Variants in STK38 observed in about 807,000 individuals in gnomAD.
STK38 encodes the protein serine/threonine-protein kinase 38.
In STK38, 26 loss-of-function variants were observed where a neutral mutation model predicts 59.0. That is an observed-to-expected ratio of 0.44 (90% CI 0.32 to 0.61). The LOEUF (loss-of-function observed/expected upper bound fraction) is 0.61, where lower values mean the gene tolerates loss of function less well. STK38 is among the 20% of genes least tolerant of loss of function. The probability of loss-of-function intolerance (pLI) is 0.04; values close to 1 mark genes in which losing one functional copy is unlikely to be tolerated. For missense variants in STK38, 433 were observed against 566.0 expected (o/e 0.76, Z 2.38); for synonymous variants, 175 against 176.6 (o/e 0.99, Z 0.07).
Position 36,540,101 on chromosome 6 carries a change from A to C in STK38, c.102T>G (p.Leu34=). The C allele has an allele frequency of 6.2e-7, 1 of 1,614,070 alleles. No individual in the cohort carries two copies. The highest frequency in any genetic ancestry group is 8.5e-7 in the Non-Finnish European group (1 of 1,179,974). The part of the protein sequence containing the change: ...KVTLENFYSN[L]IAQHEEREMR... Reference sequence around the variant, plus strand: ...TTTCTCGTTCTTCATGTTGAGCGATAAGGTTGCTATAAAAATTCTCCAGTG... The same window carrying C: ...TTTCTCGTTCTTCATGTTGAGCGATCAGGTTGCTATAAAAATTCTCCAGTG... Residue 34 remains leucine (L), a synonymous_variant, in exon 2 of 14, where the codon CTT becomes CTG. Transcript: ENST00000229812.
intron 6 of STK38, 63 bp from the exon 7 acceptor site, chr6:36,515,555 C>CACA: frequency 1.3e-6 from 2 of 1,515,626 alleles, no homozygotes; most frequent in African/African-American, 1.4e-5. Context: ...CACACACACA[C>CACA]AACATACGAG....
At chr6:36,503,450 T>TGTGTGTGTG (rs560345828) in intron 9 of STK38, among the ~76,000 whole-genome samples, 2,206 of 131,344 alleles carry the variant, frequency 0.017, 52 homozygotes, top group African/African-American at 0.061. Context: ...GTGTGTGTGT[T>TGTGTGTGTG]TGTGTGTGTA....
intron 2 of STK38, among the ~76,000 whole-genome samples, chr6:36,534,882 C>T (rs1582458972): frequency 6.8e-6 from 1 of 147,306 alleles, no homozygotes; most frequent in East Asian, 2.0e-4. Flanking sequence ...GGAAGTAAAA[C>T]TGTCTCTACC....
chr6:36,513,192 G>A (rs1777154188), intron 7 of STK38, among the ~76,000 whole-genome samples: 1 of 151,470 alleles, frequency 6.6e-6, no homozygotes. Context: ...GCTAATTTTT[G>A]TATTTTTAGT....
chr6:36,517,661 G>A (rs2127477021), intron 6 of STK38, 56 bp downstream of exon 6: 2 of 1,595,936 alleles, frequency 1.3e-6, no homozygotes, highest in South Asian at 2.3e-5. Context: ...CGTGATGTGA[G>A]AGAAAGAAAC....
chr6:36,536,458 G>C (rs1777792894), intron 2 of STK38, among the ~76,000 whole-genome samples: 1 of 152,066 alleles, frequency 6.6e-6, no homozygotes, highest in South Asian at 2.1e-4. Flanking sequence ...CTTGAGGACA[G>C]GAGTTCAAGA....
chr6:36,495,404 A>G lies in STK38; in HGVS notation c.*380T>C. 3 of 178,746 alleles carry G rather than the reference A, an allele frequency of 1.7e-5. No individual in the cohort carries two copies. Among genetic ancestry groups the G allele is most frequent in the Admixed American group, 5.7e-5 (1 of 17,612 alleles). The allele number at this position is 178,746 out of a possible 1,614,324, so 11.1% of individuals were successfully genotyped here. A position where few individuals can be genotyped will look rare whatever the true frequency, so the allele number is the denominator to read the frequency against. On this transcript the variant is annotated 3_prime_UTR_variant, in exon 14 of 14. Transcript: ENST00000229812. The stretch of plus-strand genomic sequence containing the variant: ...GGGCTTGGCAGAGAGCGTGTCACAA[A>G]ATTACAGGAACTGGCTGATATTCGA...
chr6:36,496,004 C>A, intron 13 of STK38, 90 bp from the exon 14 acceptor site: 1 of 1,403,084 alleles, frequency 7.1e-7, no homozygotes, highest in Non-Finnish European at 9.8e-7. Flanking sequence ...GAAGAACACA[C>A]CAGTTTCTAT....
chr6:36,517,170 C>T (rs62402203), intron 6 of STK38, among the ~76,000 whole-genome samples: 2,875 of 152,180 alleles, frequency 0.019, 40 homozygotes, highest in Non-Finnish European at 0.027. Context: ...AAACAGACTG[C>T]TTTCCTCAGA....
chr6:36,498,713 C>T (rs1394204110), intron 10 of STK38, among the ~76,000 whole-genome samples: 1 of 151,744 alleles, frequency 6.6e-6, no homozygotes, highest in Non-Finnish European at 1.5e-5. Flanking sequence ...TCAGCCTTCC[C>T]AGTAGGTGGG....
At chr6:36,521,696 A>G (rs1158988148) in intron 5 of STK38, 38 bp downstream of exon 5, 1 of 1,493,890 alleles carries the variant, frequency 6.7e-7, no homozygotes, top group Non-Finnish European at 8.9e-7. Flanking sequence ...GGAGACAAAA[A>G]TTAATAAGCT....
chr6:36,545,958 C>A (rs1778044803), intron 1 of STK38, among the ~76,000 whole-genome samples: 1 of 152,172 alleles, frequency 6.6e-6, no homozygotes, highest in Non-Finnish European at 1.5e-5. Flanking sequence ...TACAATGGTA[C>A]TCTGTGATCA....
intron 2 of STK38, among the ~76,000 whole-genome samples, chr6:36,527,135 T>C (rs1777533935): frequency 7.3e-6 from 1 of 136,692 alleles, no homozygotes; most frequent in African/African-American, 2.8e-5. Flanking sequence ...GAGGTTGCAG[T>C]GAGTCAAGAT....
rs576298205 is a variant in STK38 at position 36,498,490 on chromosome 6, T to C, written c.953-4A>G. 20 of 1,606,798 alleles carry C rather than the reference T, an allele frequency of 1.2e-5. No homozygotes were observed. The highest frequency in any genetic ancestry group is 1.7e-5 in the Non-Finnish European group (20 of 1,178,354). ...TCAGAACAGAAAGGTGGGTAGCCTG[T>C]AATAAAAAAGGAACTTCGGAGCTTT... On this transcript the variant is annotated splice_region_variant and splice_polypyrimidine_tract_variant and intron_variant, in intron 10 of 13. Coordinates refer to ENST00000229812, the MANE Select transcript of STK38 (RefSeq NM_007271.4).
chr6:36,515,305 C>A (rs375637235), intron 7 of STK38, 33 bp downstream of exon 7: 10 of 1,607,176 alleles, frequency 6.2e-6, no homozygotes, highest in Non-Finnish European at 8.5e-7. Flanking sequence ...GATCAGTAAA[C>A]GTGCATAGTT....
At chr6:36,539,515 A>G (rs1440029144) in intron 2 of STK38, among the ~76,000 whole-genome samples, 1 of 152,244 alleles carries the variant, frequency 6.6e-6, no homozygotes, top group Non-Finnish European at 1.5e-5. Flanking sequence ...ACTATGGTAC[A>G]TACTCACATA....
chr6:36,510,058 TGGCCCTCAGGCTTCAGGCCATCCCTG>T (rs1777070730), intron 7 of STK38, among the ~76,000 whole-genome samples: 1 of 152,214 alleles, frequency 6.6e-6, no homozygotes, highest in Non-Finnish European at 1.5e-5. Flanking sequence ...ACTGACAGCT[TGGCCCTCAGGCTTCAGGCCATCCCTG>T]GCTTGAAGGT....
rs1777902109 is a variant in STK38 at position 36,540,261 on chromosome 6, G to A, written c.-5-54C>T. ...GATTTGGAGTTAGAATCCACCCAGT[G>A]TGCACTCTCCTACCCTATTGGTAGG... On this transcript the variant is annotated intron_variant, in intron 1 of 13. Coordinates refer to ENST00000229812, the MANE Select transcript of STK38 (RefSeq NM_007271.4). 2.5e-6 allele frequency: 4 copies of A among 1,588,058 alleles called. No homozygotes were observed. In the Admixed American group the frequency reaches 6.7e-5, roughly 27 times the overall value.
At position 36,507,513 on chromosome 6, in the gene STK38, G is replaced by A. The variant is rs1415119402; in HGVS notation, c.759C>T (p.Leu253=). ...TEFYRNLNHS[L]PSDFTFQNMN... ...GTTACCACTTACTGAAATCACTGGG[G>A]AGGCTGTGGTTCAGATTCCTATAAA... Residue 253 remains leucine (L), a synonymous_variant, in exon 8 of 14, where the codon CTC becomes CTT. Coordinates refer to ENST00000229812, the MANE Select transcript of STK38 (RefSeq NM_007271.4). The A allele has an allele frequency of 3.1e-6, 5 of 1,614,052 alleles. No individual in the cohort carries two copies. Among genetic ancestry groups the A allele is most frequent in the Non-Finnish European group, 4.2e-6 (5 of 1,179,926 alleles).
Sources: allele counts gnomAD v4.1 joint callset (sites outside exome capture counted in the v4.1 genomes callset), GRCh38; gene constraint gnomAD v4.1.1; transcripts MANE v1.5; gene names NCBI Gene and HGNC (gene_info 2026-07-23, HGNC 2026-07-21).